The following OXNAD1 variants were observed in gnomAD, a reference collection of about 807,000 sequenced individuals.
OXNAD1 encodes oxidoreductase NAD binding domain containing 1, also known as oxidoreductase NAD-binding domain-containing protein 1.
OXNAD1 carries 34 observed loss-of-function variants against 32.9 expected under a neutral mutation model. The ratio of observed to expected loss-of-function variants is 1.03; its 90% CI spans 0.79 to 1.38. The LOEUF (loss-of-function observed/expected upper bound fraction) is 1.38, where lower values mean the gene tolerates loss of function less well. OXNAD1 is among the 40% of genes most tolerant of loss of function. The pLI, the probability that OXNAD1 is intolerant of heterozygous loss-of-function variation, is 0.00. For synonymous variants in OXNAD1, 134 were observed against 135.2 expected, an observed-to-expected ratio of 0.99 and a Z score of 0.06; for missense variants, 407 against 379.4, an observed-to-expected ratio of 1.07 and a Z score of -0.60.
Position 16,346,965 on chromosome 3 carries a change from T to A in OXNAD1, c.*31-2211T>A, listed in dbSNP as rs2071764019. ...AGACTTCCTGCTCAATGAGATGAGA[T>A]GAACACCCCTACGGCTTAAGCCACT... On this transcript the variant is annotated intron_variant, in intron 9 of 9. Coordinates refer to the OXNAD1 transcript ENST00000606098. This position sits in a 1 kb window ranked among gnomAD's most constrained non-coding sequence, Gnocchi z 4.4. Among the ~76,000 whole-genome samples the A allele has an allele frequency of 6.6e-6, 1 of 152,174 alleles. No homozygotes were observed. The highest frequency in any genetic ancestry group is 2.1e-4 in the South Asian group (1 of 4,826).
In OXNAD1 at chr3:16,277,429, G is replaced by T. The variant is rs1310501841; in HGVS notation, c.183+5707G>T. Among the ~76,000 whole-genome samples the T allele has an allele frequency of 6.6e-6, 1 of 152,198 alleles. No individual in the cohort carries two copies. The highest frequency in any genetic ancestry group is 2.4e-5 in the African/African-American group (1 of 41,450). ...ACTCGTTGAAATGAATGGCACCTCA[G>T]GTTTGGCCATAACAGAACTGGATCA... On this transcript the variant is annotated intron_variant, in intron 4 of 8. Coordinates refer to ENST00000285083, the MANE Select transcript of OXNAD1 (RefSeq NM_138381.5). This position sits in a 1 kb window ranked among gnomAD's most constrained non-coding sequence, Gnocchi z 4.3.
rs17042167 is a variant in OXNAD1 at position 16,342,725 on chromosome 3, G to A, written c.*31-6451G>A. 0.013 allele frequency among the ~76,000 whole-genome samples: 1,948 copies of A among 152,302 alleles called. 51 individuals are homozygous for A. The highest frequency in any genetic ancestry group is 0.043 in the African/African-American group (1,794 of 41,568). On this transcript the variant is annotated intron_variant, in intron 9 of 9. Transcript: ENST00000606098. The surrounding 1 kb of genome is among the most constrained non-coding windows in gnomAD (Gnocchi z 4.0). ...CCAAGCCTAATTTGCCACTTCACCC[G>A]AAAAGGATGTTTAAAGAGGCCACTG... is the stretch of plus-strand genomic sequence containing the variant.
At position 16,348,734 on chromosome 3, in the gene OXNAD1, A is replaced by G. The variant is rs972704382; in HGVS notation, c.*31-442A>G. 1.3e-5 allele frequency among the ~76,000 whole-genome samples: 2 copies of G among 152,158 alleles called. No homozygotes were observed. The highest frequency in any genetic ancestry group is 4.8e-5 in the African/African-American group (2 of 41,434). On this transcript the variant is annotated intron_variant, in intron 9 of 9. Transcript: ENST00000606098. This position sits in a 1 kb window ranked among gnomAD's most constrained non-coding sequence, Gnocchi z 6.3. ...TTCCCAGTTCCCTGAGGGTTCTGTTATGGAACCCCTAATCACCATCTCAAG... is the reference window on the plus strand; with the variant it reads ...TTCCCAGTTCCCTGAGGGTTCTGTTGTGGAACCCCTAATCACCATCTCAAG...
chr3:16,290,561 C>G lies in OXNAD1; in HGVS notation c.290+4113C>G, dbSNP rs1490281309. Among the ~76,000 whole-genome samples the G allele has an allele frequency of 6.6e-6, 1 of 152,162 alleles. No homozygotes were observed. The highest frequency in any genetic ancestry group is 2.1e-4 in the South Asian group (1 of 4,836). ...CTTATTAATGTATTTATTTTTTAAACATGGAAATAATGGAGATTTTTGTAT... is the reference window on the plus strand; with the variant it reads ...CTTATTAATGTATTTATTTTTTAAAGATGGAAATAATGGAGATTTTTGTAT... On this transcript the variant is annotated intron_variant, in intron 5 of 8. Coordinates refer to ENST00000285083, the MANE Select transcript of OXNAD1 (RefSeq NM_138381.5). This position sits in a 1 kb window ranked among gnomAD's most constrained non-coding sequence, Gnocchi z 4.2.
chr3:16,271,128 G>A lies in OXNAD1; in HGVS notation c.119+57G>A. The A allele has an allele frequency of 6.3e-7, 1 of 1,585,254 alleles. No homozygotes were observed. The highest frequency in any genetic ancestry group is 2.2e-5 in the East Asian group (1 of 44,636). On this transcript the variant is annotated intron_variant, in intron 3 of 8. Coordinates refer to ENST00000285083, the MANE Select transcript of OXNAD1 (RefSeq NM_138381.5). The surrounding 1 kb of genome is among the most constrained non-coding windows in gnomAD (Gnocchi z 4.6). Reference sequence around the variant, plus strand: ...GTTAATTTTCAAAGAGACCCGACCTGCTGATGGTTGTGGGAGGCATATCAA... The same window carrying A: ...GTTAATTTTCAAAGAGACCCGACCTACTGATGGTTGTGGGAGGCATATCAA...
intron 9 of OXNAD1, chr3:16,326,889 G>A (rs755015047): frequency 6.2e-7 from 1 of 1,607,454 alleles, no homozygotes; most frequent in Non-Finnish European, 8.5e-7. Context: ...GGGGGAACAA[G>A]GCCAGCATTA....
Position 16,303,632 on chromosome 3 carries a change from GATTA to G in OXNAD1, c.*74_*77del, listed in dbSNP as rs1016580979. ...GGAGAGCTCCTGTCCTTTGTGGCAT[GATTA>G]ATTTTTTTTATCTCTACTTGAGTTG... On this transcript the variant is annotated 3_prime_UTR_variant, in exon 9 of 9. Coordinates refer to ENST00000285083, the MANE Select transcript of OXNAD1 (RefSeq NM_138381.5). The surrounding 1 kb of genome is among the most constrained non-coding windows in gnomAD (Gnocchi z 4.8). 2.0e-6 allele frequency: 3 copies of G among 1,488,636 alleles called. No individual in the cohort carries two copies. Among genetic ancestry groups the G allele is most frequent in the African/African-American group, 1.4e-5 (1 of 69,694 alleles). The allele number at this position is 1,488,636 out of a possible 1,614,324, so 92.2% of individuals were successfully genotyped here. A position where few individuals can be genotyped will look rare whatever the true frequency, so the allele number is the denominator to read the frequency against.
intron 2 of OXNAD1, among the ~76,000 whole-genome samples, chr3:16,269,992 T>C (rs1019140147): frequency 6.6e-6 from 1 of 152,224 alleles, no homozygotes; most frequent in African/African-American, 2.4e-5. Context: ...TCCTAATCAG[T>C]GCTTTTCTTG....
intron 2 of OXNAD1, among the ~76,000 whole-genome samples, chr3:16,269,893 G>GT (rs2064806066): frequency 6.6e-6 from 1 of 152,198 alleles, no homozygotes; most frequent in Non-Finnish European, 1.5e-5. Context: ...AATGTAACAT[G>GT]TTAAATGTGG....
Position 16,335,045 on chromosome 3 carries a change from C to G in OXNAD1, c.*31-2067C>G, listed in dbSNP as rs2070714087. Among the ~76,000 whole-genome samples, 1 of 152,206 alleles carries G rather than the reference C, an allele frequency of 6.6e-6. No homozygotes were observed. The highest frequency in any genetic ancestry group is 2.4e-5 in the African/African-American group (1 of 41,444). ...AAAAGTCTCCACAAAGAATGTGGTCCTGTCAACACCTTGGTTTTAGCCCCT... is the reference window on the plus strand; with the variant it reads ...AAAAGTCTCCACAAAGAATGTGGTCGTGTCAACACCTTGGTTTTAGCCCCT... On this transcript the variant is annotated intron_variant, in intron 9 of 9. Coordinates refer to the OXNAD1 transcript ENST00000435829. This position sits in a 1 kb window ranked among gnomAD's most constrained non-coding sequence, Gnocchi z 4.7.
In OXNAD1 at chr3:16,322,124, C is replaced by A. The variant is rs1199825321; in HGVS notation, c.*31-14988C>A. On this transcript the variant is annotated intron_variant, in intron 9 of 9. Coordinates refer to the OXNAD1 transcript ENST00000435829. The surrounding 1 kb of genome is among the most constrained non-coding windows in gnomAD (Gnocchi z 6.2). ...CCGTGAGCCTGTGGCTGAGCTGAAACTGACAGCGCTCTGCAGCCGATCCAT... is the reference window on the plus strand; with the variant it reads ...CCGTGAGCCTGTGGCTGAGCTGAAAATGACAGCGCTCTGCAGCCGATCCAT... 1.3e-5 allele frequency among the ~76,000 whole-genome samples: 2 copies of A among 152,250 alleles called. No homozygotes were observed. The highest frequency in any genetic ancestry group is 1.5e-5 in the Non-Finnish European group (1 of 68,050).
In OXNAD1 at chr3:16,268,313, C is replaced by CTTTTTTT. The variant is rs531751365; in HGVS notation, c.-158-786_-158-780dup. On this transcript the variant is annotated intron_variant, in intron 1 of 8. Coordinates refer to ENST00000285083, the MANE Select transcript of OXNAD1 (RefSeq NM_138381.5). ...AATCTTAGGATTTTAAAGAGAACTC[C>CTTTTTTT]TTTTTTTTTTTTTTTTTTTTTTTTT... Among the ~76,000 whole-genome samples, 51 of 61,000 alleles carry CTTTTTTT rather than the reference C, an allele frequency of 8.4e-4. 4 individuals are homozygous for CTTTTTTT. Among genetic ancestry groups the CTTTTTTT allele is most frequent in the Non-Finnish European group, 1.3e-3 (41 of 30,412 alleles). 40.0% of individuals were successfully genotyped at this position (61,000 alleles called of 152,430 possible). A position where few individuals can be genotyped will look rare whatever the true frequency, so the allele number is the denominator to read the frequency against.
At chr3:16,269,499 G>A (rs1452913340) in intron 2 of OXNAD1, among the ~76,000 whole-genome samples, 3 of 152,238 alleles carry the variant, frequency 2.0e-5, no homozygotes, top group Non-Finnish European at 4.4e-5. Context: ...TAGTTATGAA[G>A]CAGTGAGCTT....
At chr3:16,326,627 C>T in intron 9 of OXNAD1, 1 of 631,232 alleles carries the variant, frequency 1.6e-6, no homozygotes, top group South Asian at 2.0e-5. Context: ...AATTCTGGCT[C>T]TGCTGCTTCC....
rs17042155 is a variant in OXNAD1, at chr3:16,329,722, C to T, written c.*31-7390C>T. On this transcript the variant is annotated intron_variant, in intron 9 of 9. Coordinates refer to the OXNAD1 transcript ENST00000435829. The surrounding 1 kb of genome is among the most constrained non-coding windows in gnomAD (Gnocchi z 4.5). Reference sequence around the variant, plus strand: ...TTTAAATCCACACTCTCAAGCTTTGCGAGGTTATGATTACTTGGGCCTATC... The same window carrying T: ...TTTAAATCCACACTCTCAAGCTTTGTGAGGTTATGATTACTTGGGCCTATC... Among the ~76,000 whole-genome samples, 5,596 of 152,136 alleles carry T rather than the reference C, an allele frequency of 0.037. 321 individuals carry two copies. The highest frequency in any genetic ancestry group is 0.13 in the African/African-American group (5,276 of 41,480).
rs2069136943 is a variant in OXNAD1, at chr3:16,322,173, C to T, written c.*31-14939C>T. ...ATCTTCCAGCTGGTGGCTGCCTGCT[C>T]CTGGTGGTTGATGGTGGGCTGGCAG... is the stretch of plus-strand genomic sequence containing the variant. On this transcript the variant is annotated intron_variant, in intron 9 of 9. Transcript: ENST00000435829. This position sits in a 1 kb window ranked among gnomAD's most constrained non-coding sequence, Gnocchi z 6.2. Among the ~76,000 whole-genome samples, 2 of 152,214 alleles carry T rather than the reference C, an allele frequency of 1.3e-5. No homozygotes were observed. Among genetic ancestry groups the T allele is most frequent in the South Asian group, 2.1e-4 (1 of 4,826 alleles).
chr3:16,298,090 C>A lies in OXNAD1; in HGVS notation c.432+3093C>A, dbSNP rs115626756. ...CCCCAGATGCCTGTGTAGGCATTTC[C>A]ATTGTAAATGTATCCTGTCACATTT... is the stretch of plus-strand genomic sequence containing the variant. On this transcript the variant is annotated intron_variant, in intron 6 of 8. Coordinates refer to ENST00000285083, the MANE Select transcript of OXNAD1 (RefSeq NM_138381.5). This position sits in a 1 kb window ranked among gnomAD's most constrained non-coding sequence, Gnocchi z 5.1. Among the ~76,000 whole-genome samples the A allele has an allele frequency of 0.031, 4,713 of 152,158 alleles. 103 individuals are homozygous for A. Among genetic ancestry groups the A allele is most frequent in the Middle Eastern group, 0.082 (24 of 294 alleles).
At position 16,301,667 on chromosome 3, in the gene OXNAD1, GTTC is replaced by G. The variant is rs765704087; in HGVS notation, c.480_482del (p.Phe161del). 3.8e-4 allele frequency: 615 copies of G among 1,613,924 alleles called. 1 individual carries two copies. Among genetic ancestry groups the G allele is most frequent in the Admixed American group, 1.0e-3 (61 of 59,998 alleles). On this transcript the variant is annotated inframe_deletion, in exon 7 of 9. Coordinates refer to ENST00000285083, the MANE Select transcript of OXNAD1 (RefSeq NM_138381.5). The surrounding 1 kb of genome is among the most constrained non-coding windows in gnomAD (Gnocchi z 4.1). Reference sequence around the variant, plus strand: ...AAGTGGCTGTGAGAGTGGGTGGAGAGTTCTTCTTTGACCCTCAGCCTGCGGATG... The same window carrying G: ...AAGTGGCTGTGAGAGTGGGTGGAGAGTTCTTTGACCCTCAGCCTGCGGATG...
chr3:16,309,562 A>ATTTT (rs1324610879), downstream of OXNAD1, among the ~76,000 whole-genome samples: 3 of 2,918 alleles, frequency 1.0e-3, 1 homozygote, highest in Non-Finnish European at 1.8e-3. Context: ...ATGAAAGGTG[A>ATTTT]TTTTTTTAAC....
Sources: gnomAD v4.1 joint callset for allele counts (sites outside exome capture counted in the v4.1 genomes callset) on GRCh38, gnomAD v4.1.1 for gene constraint, Gnocchi (gnomAD v3.1) non-coding constraint, MANE v1.5 for transcripts, NCBI Gene and HGNC (gene_info 2026-07-23, HGNC 2026-07-21) for gene names.